Variants in SLC45A4 observed in about 807,000 individuals in gnomAD.
The protein encoded by SLC45A4 is polyamine-transporter SLC45A4.
In SLC45A4, 32 loss-of-function variants were observed where a neutral mutation model predicts 63.7. The observed-to-expected ratio is 0.50, with a 90% CI of 0.38 to 0.67. The LOEUF (loss-of-function observed/expected upper bound fraction) is 0.67, where lower values mean the gene tolerates loss of function less well. SLC45A4 is among the 30% of genes least tolerant of loss of function. The pLI is 0.00. For missense variants in SLC45A4, 1,027 were observed against 1,157.7 expected (o/e 0.89, Z 1.64); for synonymous variants, 535 against 510.0 (o/e 1.05, Z -0.66).
intron 2 of SLC45A4, among the ~76,000 whole-genome samples, chr8:141,243,700 T>A (rs58706622): frequency 1.3e-5 from 2 of 151,794 alleles, no homozygotes; most frequent in African/African-American, 2.4e-5. Context: ...GTACCGTCCA[T>A]TTACACAGAT....
intron 1 of SLC45A4, among the ~76,000 whole-genome samples, chr8:141,287,077 G>A (rs533444537): frequency 4.6e-5 from 7 of 152,242 alleles, no homozygotes; most frequent in South Asian, 4.1e-4. Flanking sequence ...GGTCATGTGC[G>A]AGGCCTTAGG....
Position 141,255,797 on chromosome 8 carries a change from A to G in SLC45A4, c.-400-1168T>C, listed in dbSNP as rs144677099. Among the ~76,000 whole-genome samples, 60 of 152,342 alleles carry G rather than the reference A, an allele frequency of 3.9e-4. No individual in the cohort carries two copies. In the East Asian group the frequency reaches 0.01, roughly 26 times the overall value. On this transcript the variant is annotated intron_variant, in intron 1 of 8. Transcript: ENST00000517878. Reference sequence around the variant, plus strand: ...AAGTAGGAGGCTGGGTGGAATGAGCATAGCATGATTCTCTGTCCGGGGGGA... The same window carrying G: ...AAGTAGGAGGCTGGGTGGAATGAGCGTAGCATGATTCTCTGTCCGGGGGGA...
chr8:141,280,968 T>C (rs1414989689), intron 1 of SLC45A4, among the ~76,000 whole-genome samples: 1 of 152,216 alleles, frequency 6.6e-6, no homozygotes, highest in African/African-American at 2.4e-5. Flanking sequence ...ATTTTCCTAC[T>C]CAAAGACAAC....
intron 1 of SLC45A4, among the ~76,000 whole-genome samples, chr8:141,282,793 G>A (rs189940247): frequency 3.5e-4 from 54 of 152,374 alleles, no homozygotes; most frequent in Admixed American, 3.3e-3. Context: ...ACAGGCAGCT[G>A]CAAGTCCGTG....
At chr8:141,302,028 GA>G (rs995368602) in intron 1 of SLC45A4, among the ~76,000 whole-genome samples, 16 of 151,910 alleles carry the variant, frequency 1.1e-4, no homozygotes, top group Admixed American at 3.9e-4. Flanking sequence ...AGTTCACAAA[GA>G]AAAAAACTGC....
intron 1 of SLC45A4, among the ~76,000 whole-genome samples, chr8:141,257,697 T>C (rs1439267357): frequency 6.6e-6 from 1 of 152,164 alleles, no homozygotes; most frequent in Non-Finnish European, 1.5e-5. Context: ...CCAGGGACAC[T>C]TGGCAATGAC....
intron 3 of SLC45A4, among the ~76,000 whole-genome samples, chr8:141,221,316 C>T (rs934765713): frequency 6.6e-6 from 1 of 152,254 alleles, no homozygotes. Flanking sequence ...GGAAACAGGA[C>T]GTGGTGTCAG....
intron 1 of SLC45A4, among the ~76,000 whole-genome samples, chr8:141,262,146 G>T (rs1006695036): frequency 4.0e-5 from 6 of 151,442 alleles, no homozygotes; most frequent in Admixed American, 3.3e-4. Flanking sequence ...AATGGTGCTG[G>T]GAAAACTGGC....
intron 1 of SLC45A4, among the ~76,000 whole-genome samples, chr8:141,303,356 C>G (rs773744341): frequency 3.5e-5 from 5 of 140,906 alleles, no homozygotes; most frequent in Non-Finnish European, 7.5e-5. Flanking sequence ...CTCAGGCTGG[C>G]CTGGAACTCC....
Position 141,211,233 on chromosome 8 carries a change from C to A in SLC45A4, c.*339G>T. 2.3e-6 allele frequency: 1 copy of A among 442,302 alleles called. No homozygotes were observed. Among genetic ancestry groups the A allele is most frequent in the Non-Finnish European group, 4.0e-6 (1 of 251,570 alleles). The allele number at this position is 442,302 out of a possible 1,614,324, so 27.4% of individuals were successfully genotyped here. On this transcript the variant is annotated 3_prime_UTR_variant, in exon 9 of 9. Transcript: ENST00000517878. ...AGACGAATCAAAGTGCAGTGAAAGT[C>A]AACGTTTCCTTCCCCCTGACGTTGG...
chr8:141,278,955 C>G lies in SLC45A4; in HGVS notation c.-400-24326G>C, dbSNP rs1487313897. Reference sequence around the variant, plus strand: ...CTGCTCTGTCCCCTTCAAGGCCAGACAAGCAAAGCCCCAGCCCCCACCTTG... The same window carrying G: ...CTGCTCTGTCCCCTTCAAGGCCAGAGAAGCAAAGCCCCAGCCCCCACCTTG... On this transcript the variant is annotated intron_variant, in intron 1 of 8. Coordinates refer to ENST00000517878, the MANE Select transcript of SLC45A4 (RefSeq NM_001286646.2). The surrounding 1 kb of genome is among the most constrained non-coding windows in gnomAD (Gnocchi z 4.1). 6.6e-6 allele frequency among the ~76,000 whole-genome samples: 1 copy of G among 152,340 alleles called. No individual in the cohort carries two copies. The highest frequency in any genetic ancestry group is 6.5e-5 in the Admixed American group (1 of 15,298).
intron 7 of SLC45A4, among the ~76,000 whole-genome samples, chr8:141,214,904 C>A (rs1826046662): frequency 6.6e-6 from 1 of 152,206 alleles, no homozygotes; most frequent in South Asian, 2.1e-4. Context: ...ACCACACACA[C>A]CACACTACTC....
chr8:141,297,419 T>A (rs1830598566), intron 1 of SLC45A4, among the ~76,000 whole-genome samples: 1 of 152,172 alleles, frequency 6.6e-6, no homozygotes, highest in Non-Finnish European at 1.5e-5. Context: ...TCTGAGGGGA[T>A]CAGGAGAAAA....
At chr8:141,265,731 C>G (rs1829240874) in intron 1 of SLC45A4, among the ~76,000 whole-genome samples, 1 of 152,192 alleles carries the variant, frequency 6.6e-6, no homozygotes, top group East Asian at 1.9e-4. Flanking sequence ...TGCGGAGAAG[C>G]TCAAAAGTTA....
chr8:141,269,297 T>C (rs1589835028), intron 1 of SLC45A4, among the ~76,000 whole-genome samples: 1 of 152,360 alleles, frequency 6.6e-6, no homozygotes, highest in East Asian at 1.9e-4. Flanking sequence ...TTTGTGCATT[T>C]TGTGCCACAA....
chr8:141,228,671 C>T (rs796979988), intron 2 of SLC45A4: 14 of 994,128 alleles, frequency 1.4e-5, no homozygotes, highest in East Asian at 1.9e-4. Context: ...TATAAACAAC[C>T]GTATGGCCTT....
At position 141,254,900 on chromosome 8, in the gene SLC45A4, C is replaced by A; in HGVS notation, c.-400-271G>T. ...ATCAAAGAACAGACAGAGAAAAACG[C>A]TGGAAATATTCACTCTTTGGCCAGT... On this transcript the variant is annotated intron_variant, in intron 1 of 8. Coordinates refer to ENST00000517878, the MANE Select transcript of SLC45A4 (RefSeq NM_001286646.2). This position sits in a 1 kb window ranked among gnomAD's most constrained non-coding sequence, Gnocchi z 4.5. 1 of 381,142 alleles carries A rather than the reference C, an allele frequency of 2.6e-6. No homozygotes were observed. The highest frequency in any genetic ancestry group is 5.1e-6 in the Non-Finnish European group (1 of 194,560). The allele number at this position is 381,142 out of a possible 1,614,324, so 23.6% of individuals were successfully genotyped here.
intron 2 of SLC45A4, among the ~76,000 whole-genome samples, chr8:141,222,626 C>A (rs373382469): frequency 1.3e-5 from 2 of 152,236 alleles, no homozygotes; most frequent in East Asian, 1.9e-4. Context: ...ACCAACCAGG[C>A]GGGCAAACAG....
intron 1 of SLC45A4, among the ~76,000 whole-genome samples, chr8:141,263,466 C>T (rs1829124541): frequency 6.6e-6 from 1 of 151,700 alleles, no homozygotes; most frequent in Non-Finnish European, 1.5e-5. Flanking sequence ...TAAGTGTTTA[C>T]TTAGAAAATC....
Sources: gnomAD v4.1 joint callset for allele counts (sites outside exome capture counted in the v4.1 genomes callset) on GRCh38, gnomAD v4.1.1 for gene constraint, Gnocchi (gnomAD v3.1) non-coding constraint, MANE v1.5 for transcripts, NCBI Gene and HGNC (gene_info 2026-07-23, HGNC 2026-07-21) for gene names.